MRTFB: variants seen among roughly 807,000 people sequenced by gnomAD.
MRTFB encodes the protein myocardin related transcription factor B, also known as myocardin-related transcription factor B.
A neutral mutation model predicts 104.2 loss-of-function variants in MRTFB; 29 were observed. The observed-to-expected ratio is 0.28, with a 90% CI of 0.21 to 0.38. The LOEUF (loss-of-function observed/expected upper bound fraction) is 0.38. MRTFB is among the 10% of genes least tolerant of loss of function. The pLI is 1.00. For missense variants in MRTFB, 1,270 were observed against 1,341.6 expected (o/e 0.95, Z 0.83); for synonymous variants, 535 against 519.5 (o/e 1.03, Z -0.41).
At chr16:14,090,463 T>G (rs1211679602) in intron 2 of MRTFB, among the ~76,000 whole-genome samples, 1 of 152,224 alleles carries the variant, frequency 6.6e-6, no homozygotes, top group African/African-American at 2.4e-5. Flanking sequence ...TAATACATAC[T>G]GAGCACTTTG....
At chr16:14,210,690 G>T (rs2041155673) in intron 4 of MRTFB, among the ~76,000 whole-genome samples, 1 of 152,092 alleles carries the variant, frequency 6.6e-6, no homozygotes. Context: ...TTTTTACTTA[G>T]ACTTATTTAG....
the MRTFB span, among the ~76,000 whole-genome samples, chr16:14,029,970 C>G: frequency 6.6e-6 from 1 of 151,034 alleles, no homozygotes; most frequent in African/African-American, 2.4e-5. Context: ...CCTCAGATAC[C>G]CTGAGAGTTG....
rs184373881 is a variant in MRTFB at position 14,198,811 on chromosome 16, A to G, written c.155-11432A>G. Among the ~76,000 whole-genome samples the G allele has an allele frequency of 1.7e-3, 258 of 152,308 alleles. 2 individuals are homozygous for G. The highest frequency in any genetic ancestry group is 6.8e-3 in the Middle Eastern group (2 of 294). On this transcript the variant is annotated intron_variant, in intron 3 of 16. Coordinates refer to ENST00000571589, the MANE Select transcript of MRTFB (RefSeq NM_001308142.2). ...CAATCCTCATTGCCCTCCTATTATG[A>G]TAGAGGAAGTGTCTCTTAATAAAGG...
At chr16:14,016,738 A>C in the MRTFB span, among the ~76,000 whole-genome samples, 64 of 132,440 alleles carry the variant, frequency 4.8e-4, no homozygotes, top group African/African-American at 1.4e-3. Flanking sequence ...ACACCACTGC[A>C]CTCCATCGTG....
At chr16:14,219,389 G>T (rs1359656890) in intron 8 of MRTFB, among the ~76,000 whole-genome samples, 1 of 152,172 alleles carries the variant, frequency 6.6e-6, no homozygotes, top group African/African-American at 2.4e-5. Context: ...TTTAATGGGT[G>T]TCCATGTTTC....
intron 4 of MRTFB, among the ~76,000 whole-genome samples, chr16:14,210,557 C>G (rs2041149384): frequency 6.6e-6 from 1 of 152,158 alleles, no homozygotes; most frequent in Non-Finnish European, 1.5e-5. Context: ...TGTAATTAGG[C>G]TAACATTCAT....
chr16:14,247,661 T>C, intron 12 of MRTFB, 154 bp downstream of exon 12: 1 of 662,502 alleles, frequency 1.5e-6, no homozygotes, highest in Non-Finnish European at 2.5e-6. Flanking sequence ...TATTCAGAAA[T>C]CTGAATATCT....
chr16:14,066,270 TTTA>T, the MRTFB span, among the ~76,000 whole-genome samples: 6 of 151,250 alleles, frequency 4.0e-5, no homozygotes, highest in African/African-American at 9.7e-5. Flanking sequence ...TTTTATTTAT[TTTA>T]TTATTATTAT....
At chr16:14,119,442 G>A (rs546869203) in intron 2 of MRTFB, among the ~76,000 whole-genome samples, 151 of 152,236 alleles carry the variant, frequency 9.9e-4, no homozygotes, top group Non-Finnish European at 1.6e-3. Flanking sequence ...AAGGAGGCAG[G>A]TTTAGACTAA....
chr16:14,252,502 G>C lies in MRTFB; in HGVS notation c.2703G>C (p.Glu901Asp). The C allele has an allele frequency of 6.2e-7, 1 of 1,613,956 alleles. No individual in the cohort carries two copies. Among genetic ancestry groups the C allele is most frequent in the Non-Finnish European group, 8.5e-7 (1 of 1,179,972 alleles). The change falls in exon 15 of 17, where the codon GAG becomes GAC. Residue 901 changes from glutamate (E) to aspartate (D), a missense_variant and splice_region_variant. By Grantham distance (45) the Glu-to-Asp change is conservative. Coordinates refer to ENST00000571589, the MANE Select transcript of MRTFB (RefSeq NM_001308142.2). ...GCAGCACACAGGCCCCTCTGCCAGA[G>C]GTAAGTGAGGGCACGGTCATGGTGC... is the stretch of plus-strand genomic sequence containing the variant. ...QTRSTQAPLP[E>D]ISNAHSQQMD... is the part of the protein sequence containing the mutation.
chr16:14,200,888 G>T, intron 3 of MRTFB: 1 of 1,453,008 alleles, frequency 6.9e-7, no homozygotes, highest in South Asian at 1.1e-5. Flanking sequence ...AAGGTGGGCA[G>T]CAGAAAGAAT....
At chr16:14,131,881 A>C (rs2037458408) in intron 2 of MRTFB, among the ~76,000 whole-genome samples, 1 of 152,168 alleles carries the variant, frequency 6.6e-6, no homozygotes, top group South Asian at 2.1e-4. Flanking sequence ...CATTCTCTCA[A>C]ATGGTTACAC....
intron 2 of MRTFB, among the ~76,000 whole-genome samples, chr16:14,117,598 A>C (rs1325740772): frequency 6.6e-6 from 1 of 152,240 alleles, no homozygotes; most frequent in Non-Finnish European, 1.5e-5. Flanking sequence ...GGCACATTGT[A>C]GGCATTTAAA....
rs141185407 is a variant in MRTFB, at chr16:14,173,254, G to A, written c.154+32494G>A. On this transcript the variant is annotated intron_variant, in intron 3 of 16. Coordinates refer to ENST00000571589, the MANE Select transcript of MRTFB (RefSeq NM_001308142.2). ...CAACTTGCCTTAGCTCCATTAAAACGCTTGTTGGTGTTTTTACTGGGATTG... is the reference window on the plus strand; with the variant it reads ...CAACTTGCCTTAGCTCCATTAAAACACTTGTTGGTGTTTTTACTGGGATTG... Among the ~76,000 whole-genome samples, 1,482 of 152,096 alleles carry A rather than the reference G, an allele frequency of 9.7e-3. 25 individuals are homozygous for A. Among genetic ancestry groups the A allele is most frequent in the African/African-American group, 0.034 (1,408 of 41,506 alleles).
chr16:14,168,949 A>G (rs1342124687), intron 3 of MRTFB, among the ~76,000 whole-genome samples: 3 of 152,182 alleles, frequency 2.0e-5, no homozygotes, highest in Non-Finnish European at 4.4e-5. Context: ...CATGATATCT[A>G]ATGATATTGA....
chr16:14,028,301 G>A, the MRTFB span, among the ~76,000 whole-genome samples: 1 of 152,302 alleles, frequency 6.6e-6, no homozygotes, highest in East Asian at 1.9e-4. Flanking sequence ...TAGCAAAAAA[G>A]AGGCCAGACC....
In MRTFB at chr16:14,083,539, T is replaced by G. The variant is rs533780593; in HGVS notation, c.-64+4185T>G. ...GTCTTCTGGGTACTGGGTTTTACTG[T>G]GTTGGGCCTGGTGTTAGGGTTCAAG... On this transcript the variant is annotated intron_variant, in intron 2 of 16. Transcript: ENST00000571589. Among the ~76,000 whole-genome samples the G allele has an allele frequency of 1.8e-3, 276 of 152,236 alleles. 3 individuals carry two copies. The highest frequency in any genetic ancestry group is 6.3e-3 in the African/African-American group (262 of 41,522).
intron 4 of MRTFB, 27 bp from the exon 5 acceptor site, chr16:14,212,327 C>T: frequency 6.2e-7 from 1 of 1,612,392 alleles, no homozygotes; most frequent in African/African-American, 1.3e-5. Flanking sequence ...TCTATTTATA[C>T]TGTGGAAACC....
chr16:14,040,639 T>A, the MRTFB span, among the ~76,000 whole-genome samples: 2 of 152,018 alleles, frequency 1.3e-5, no homozygotes, highest in Non-Finnish European at 2.9e-5. Context: ...ATTTTTGTAT[T>A]TTTAGTACAG....
Sources: allele counts gnomAD v4.1 joint callset (sites outside exome capture counted in the v4.1 genomes callset), GRCh38; gene constraint gnomAD v4.1.1; transcripts MANE v1.5; gene names NCBI Gene and HGNC (gene_info 2026-07-23, HGNC 2026-07-21).